Variants in SMS observed in about 807,000 individuals in gnomAD.
The protein encoded by SMS is spermidine aminopropyltransferase.
In SMS, 3 loss-of-function variants were observed where a neutral mutation model predicts 33.0. The observed-to-expected ratio is 0.09, with a 90% CI of 0.04 to 0.23. The LOEUF is 0.23. Ranked by LOEUF, SMS falls within the 10% of genes least tolerant of loss-of-function variation. SMS has a pLI of 1.00. For missense variants in SMS, 117 were observed against 288.6 expected (o/e 0.41, Z 4.31); for synonymous variants, 103 against 112.2 (o/e 0.92, Z 0.52).
At chrX:21,978,177 C>T in intron 6 of SMS, 63 bp downstream of exon 6, 4 of 1,058,991 alleles carry the variant, frequency 3.8e-6, no homozygotes, top group Non-Finnish European at 5.3e-6. Context: ...CCTTCAGTGT[C>T]TCACAACTCA....
intron 9 of SMS, among the ~76,000 whole-genome samples, chrX:21,990,984 C>T (rs1441318079): frequency 1.8e-5 from 2 of 112,141 alleles, no homozygotes; most frequent in African/African-American, 3.2e-5. Flanking sequence ...TGAAGGATGA[C>T]GTCACGTTGA....
intron 9 of SMS, among the ~76,000 whole-genome samples, chrX:21,990,001 CA>C (rs1925651404): frequency 8.9e-6 from 1 of 111,823 alleles, no homozygotes; most frequent in Non-Finnish European, 1.9e-5. Context: ...CCTCTGCCTC[CA>C]AAGTGTTAGC....
intron 1 of SMS, among the ~76,000 whole-genome samples, chrX:21,946,232 A>G (rs1922219100): frequency 8.9e-6 from 1 of 112,178 alleles, no homozygotes; most frequent in Admixed American, 9.4e-5. Flanking sequence ...TGAGACCCCC[A>G]GGCTGGGGAG....
chrX:21,970,320 C>G (rs1415127288), intron 2 of SMS, among the ~76,000 whole-genome samples: 1 of 110,814 alleles, frequency 9.0e-6, no homozygotes, highest in East Asian at 2.8e-4. Context: ...TGGTTTTATC[C>G]CTAGTAGCAC....
At chrX:21,941,266 G>C (rs1291522632) in intron 1 of SMS, 1 of 156,942 alleles carries the variant, frequency 6.4e-6, no homozygotes, top group African/African-American at 3.2e-5. Flanking sequence ...GAGGGTTGCA[G>C]GGACTGCGGC....
At chrX:21,981,967 T>C (rs1449475307) in intron 7 of SMS, among the ~76,000 whole-genome samples, 2 of 110,414 alleles carry the variant, frequency 1.8e-5, no homozygotes, top group Non-Finnish European at 1.9e-5. Context: ...AGAAATGAAG[T>C]TAGCTAAATT....
intron 4 of SMS, among the ~76,000 whole-genome samples, chrX:21,974,275 G>A (rs73635587): frequency 0.011 from 1,278 of 112,333 alleles, 16 homozygotes; most frequent in African/African-American, 0.039. Context: ...ACCTTCTGTA[G>A]TTAAAGAGGA....
Position 21,982,340 on chromosome X carries a change from A to G in SMS, c.751-1964A>G, listed in dbSNP as rs1212422611. On this transcript the variant is annotated intron_variant, in intron 7 of 10. Transcript: ENST00000404933. ...GCGACAGAGCAAGACTTGTCTCAAA[A>G]AAAAAAAAAAAAAAAAGTACCACAA... Among the ~76,000 whole-genome samples, 3 of 107,953 alleles carry G rather than the reference A, an allele frequency of 2.8e-5. No homozygotes were observed. In the East Asian group the frequency reaches 8.6e-4, roughly 31 times the overall value. The allele number at this position is 107,953 out of a possible 115,157, so 93.7% of individuals were successfully genotyped here. A position where few individuals can be genotyped will look rare whatever the true frequency, so the allele number is the denominator to read the frequency against.
chrX:21,946,642 G>C (rs1922253120), intron 1 of SMS, among the ~76,000 whole-genome samples: 1 of 111,276 alleles, frequency 9.0e-6, no homozygotes, highest in Admixed American at 9.6e-5. Flanking sequence ...TTCCCTCCGT[G>C]GGTGACATCT....
Position 21,942,363 on chromosome X carries a change from G to T in SMS, c.49+1490G>T, listed in dbSNP as rs539635875. 9.9e-5 allele frequency among the ~76,000 whole-genome samples: 11 copies of T among 110,638 alleles called. No homozygotes were observed. The South Asian group carries it at 4.3e-3, about 43-fold the overall frequency. ...CTGGCTTCTTCCTGATGGGCTCTGCGTGTGGCCTTGGGTTTATGTTAACCT... is the reference window on the plus strand; with the variant it reads ...CTGGCTTCTTCCTGATGGGCTCTGCTTGTGGCCTTGGGTTTATGTTAACCT... On this transcript the variant is annotated intron_variant, in intron 1 of 10. Coordinates refer to ENST00000404933, the MANE Select transcript of SMS (RefSeq NM_004595.5).
intron 2 of SMS, among the ~76,000 whole-genome samples, chrX:21,967,910 C>T (rs1349984602): frequency 8.9e-6 from 1 of 112,261 alleles, no homozygotes; most frequent in Non-Finnish European, 1.9e-5. Context: ...CTCTTAAGTC[C>T]CTGGAGTAAG....
intron 7 of SMS, among the ~76,000 whole-genome samples, chrX:21,980,842 A>G (rs1569352721): frequency 8.9e-6 from 1 of 112,027 alleles, no homozygotes; most frequent in African/African-American, 3.2e-5. Context: ...TTTTTTCTCT[A>G]TACTAAATGC....
intron 1 of SMS, among the ~76,000 whole-genome samples, chrX:21,944,835 G>T (rs940801503): frequency 1.8e-5 from 2 of 110,780 alleles, no homozygotes; most frequent in Non-Finnish European, 3.8e-5. Context: ...AAAATCAGCC[G>T]GGTGTTGGTG....
chrX:21,982,555 C>T (rs954686392), intron 7 of SMS, among the ~76,000 whole-genome samples: 3 of 111,983 alleles, frequency 2.7e-5, no homozygotes, highest in Admixed American at 9.5e-5. Flanking sequence ...GGTGTTTGAG[C>T]ACACAGCCCA....
intron 8 of SMS, among the ~76,000 whole-genome samples, chrX:21,984,895 C>T (rs750581047): frequency 2.7e-5 from 3 of 111,465 alleles, no homozygotes; most frequent in Non-Finnish European, 5.6e-5. Flanking sequence ...TTTTCTTTCA[C>T]GTTTCAGCCA....
rs776946474 is a variant in SMS at position 21,944,539 on chromosome X, A to AAAAAAAAAAAAAAAAAAAAAAAAAG, written c.49+3672_49+3673insAAAAAAAAAAAAAAAAAAGAAAAAA. ...TGTCTCTACAAAAAAAAAAAAAAAAAAAAAAAGAAAAAAAATTAGCCAGGT... is the reference window on the plus strand; with the variant it reads ...TGTCTCTACAAAAAAAAAAAAAAAAAAAAAAAAAAAAAAAAAAAAAAAAAGAAAAAAGAAAAAAAATTAGCCAGGT... On this transcript the variant is annotated intron_variant, in intron 1 of 10. Coordinates refer to ENST00000404933, the MANE Select transcript of SMS (RefSeq NM_004595.5). Among the ~76,000 whole-genome samples the AAAAAAAAAAAAAAAAAAAAAAAAAG allele has an allele frequency of 3.2e-4, 26 of 81,403 alleles. 1 individual carries two copies. The highest frequency in any genetic ancestry group is 3.9e-4 in the African/African-American group (8 of 20,457). 70.7% of individuals were successfully genotyped at this position (81,403 alleles called of 115,157 possible).
chrX:21,989,123 C>A (rs1324278416), intron 9 of SMS, among the ~76,000 whole-genome samples: 1 of 110,968 alleles, frequency 9.0e-6, no homozygotes, highest in African/African-American at 3.3e-5. Flanking sequence ...ATTTTACTTG[C>A]TTTTGAACTG....
chrX:21,944,460 C>G (rs1005298575), intron 1 of SMS, among the ~76,000 whole-genome samples: 4 of 94,460 alleles, frequency 4.2e-5, no homozygotes, highest in Non-Finnish European at 8.0e-5. Context: ...CTCTGGGAGG[C>G]GAAGCGCTTG....
At chrX:21,980,429 A>AAAAAAAAAAAAAAAT (rs1260210326) in intron 7 of SMS, among the ~76,000 whole-genome samples, 1 of 63,039 alleles carries the variant, frequency 1.6e-5, no homozygotes, top group African/African-American at 4.7e-5. Flanking sequence ...AAAAAAAAAA[A>AAAAAAAAAAAAAAAT]ATATATATAT....
Sources: gnomAD v4.1 joint callset for allele counts (sites outside exome capture counted in the v4.1 genomes callset) on GRCh38, gnomAD v4.1.1 for gene constraint, MANE v1.5 for transcripts, NCBI Gene and HGNC (gene_info 2026-07-23, HGNC 2026-07-21) for gene names.